The following H2AZ1 variants were observed in gnomAD, a reference collection of about 807,000 sequenced individuals.
The protein encoded by H2AZ1 is H2A.Z variant histone 1, also known as histone H2A.Z.
A neutral mutation model predicts 16.6 loss-of-function variants in H2AZ1; 3 were observed. The observed-to-expected ratio is 0.18, with a 90% CI of 0.08 to 0.47. The LOEUF is 0.47. H2AZ1 is among the 20% of genes least tolerant of loss of function. H2AZ1 has a pLI of 0.98. For missense variants in H2AZ1, 27 were observed against 163.6 expected, an observed-to-expected ratio of 0.17 and a Z score of 4.55; for synonymous variants, 78 against 60.7, an observed-to-expected ratio of 1.28 and a Z score of -1.32.
Position 99,950,253 on chromosome 4 carries a change from C to A in H2AZ1, c.-83G>T. ...GGTGAGATCCCACCACCTACTCCTT[C>A]GTCGCACCGCGATTCAAACTGCGCT... On this transcript the variant is annotated 5_prime_UTR_variant, in exon 1 of 5. Coordinates refer to ENST00000296417, the MANE Select transcript of H2AZ1 (RefSeq NM_002106.4). The A allele has an allele frequency of 7.7e-7, 1 of 1,302,964 alleles. No homozygotes were observed. Among genetic ancestry groups the A allele is most frequent in the South Asian group, 1.2e-5 (1 of 82,054 alleles). The allele number at this position is 1,302,964 out of a possible 1,614,324, so 80.7% of individuals were successfully genotyped here. A position where few individuals can be genotyped will look rare whatever the true frequency, so the allele number is the denominator to read the frequency against.
intron 2 of H2AZ1, 128 bp from the exon 3 acceptor site, chr4:99,949,514 T>C (rs1578248495): frequency 1.0e-6 from 1 of 974,504 alleles, no homozygotes; most frequent in Non-Finnish European, 1.7e-6. Context: ...ACGTGATTCC[T>C]CCCCCCCATA....
chr4:99,950,173 C>G lies in H2AZ1; in HGVS notation c.-3G>C, dbSNP rs1398173148. Reference sequence around the variant, plus strand: ...AGCGTCTCTGCGAAGTTTACCATTTCGAATTCCGCTGAAGCTCAAGCAAGC... The same window carrying G: ...AGCGTCTCTGCGAAGTTTACCATTTGGAATTCCGCTGAAGCTCAAGCAAGC... On this transcript the variant is annotated 5_prime_UTR_variant, in exon 1 of 5. Transcript: ENST00000296417. The G allele has an allele frequency of 1.2e-6, 2 of 1,609,150 alleles. No homozygotes were observed. The highest frequency in any genetic ancestry group is 1.7e-6 in the Non-Finnish European group (2 of 1,177,760).
chr4:99,949,035 G>A (rs1727206198), intron 3 of H2AZ1, 95 bp from the exon 4 acceptor site: 2 of 802,644 alleles, frequency 2.5e-6, no homozygotes, highest in African/African-American at 1.7e-5. Context: ...TCTACCAACT[G>A]GAATCGTTCC....
Position 99,948,266 on chromosome 4 carries a change from A to G in H2AZ1, c.*196T>C. Reference sequence around the variant, plus strand: ...CAATAGCTTCTTTGAAGCCACAGTAACACTTAAATATGGTTAAGACTCGAA... The same window carrying G: ...CAATAGCTTCTTTGAAGCCACAGTAGCACTTAAATATGGTTAAGACTCGAA... On this transcript the variant is annotated 3_prime_UTR_variant, in exon 5 of 5. Coordinates refer to ENST00000296417, the MANE Select transcript of H2AZ1 (RefSeq NM_002106.4). The G allele has an allele frequency of 1.4e-6, 1 of 715,896 alleles. No homozygotes were observed. Among genetic ancestry groups the G allele is most frequent in the Non-Finnish European group, 2.6e-6 (1 of 388,052 alleles). The allele number at this position is 715,896 out of a possible 1,614,324, so 44.3% of individuals were successfully genotyped here.
At position 99,948,194 on chromosome 4, in the gene H2AZ1, AGTT is replaced by A. The variant is rs1490827191; in HGVS notation, c.*265_*267del. On this transcript the variant is annotated 3_prime_UTR_variant, in exon 5 of 5. Transcript: ENST00000296417. ...TCTGCATCACAATTAAAATCCAAAC[AGTT>A]TTTTAAAAACAGTCAACTCAATCAA... is the stretch of plus-strand genomic sequence containing the variant. 6 of 623,378 alleles carry A rather than the reference AGTT, an allele frequency of 9.6e-6. No homozygotes were observed. Among genetic ancestry groups the A allele is most frequent in the Admixed American group, 2.4e-5 (1 of 41,648 alleles). The allele number at this position is 623,378 out of a possible 1,614,324, so 38.6% of individuals were successfully genotyped here. A position where few individuals can be genotyped will look rare whatever the true frequency, so the allele number is the denominator to read the frequency against.
Position 99,948,541 on chromosome 4 carries a change from A to C in H2AZ1, c.326-18T>G. 1 of 1,610,038 alleles carries C rather than the reference A, an allele frequency of 6.2e-7. No individual in the cohort carries two copies. Among genetic ancestry groups the C allele is most frequent in the Non-Finnish European group, 8.5e-7 (1 of 1,177,480 alleles). ...AATGACACCTAGGAGAGTGACAGGA[A>C]TTAATTCTACTTAAGATTTTTTAAA... On this transcript the variant is annotated intron_variant, in intron 4 of 4. Coordinates refer to ENST00000296417, the MANE Select transcript of H2AZ1 (RefSeq NM_002106.4).
At chr4:99,949,615 T>C (rs1727229242) in intron 2 of H2AZ1, 48 bp downstream of exon 2, 7 of 1,543,912 alleles carry the variant, frequency 4.5e-6, no homozygotes, top group Non-Finnish European at 6.3e-6. Flanking sequence ...AAAAAGGAAA[T>C]GCAAAGAAAA....
chr4:99,950,236 C>A lies in H2AZ1; in HGVS notation c.-66G>T, dbSNP rs1228645531. 2.0e-6 allele frequency: 3 copies of A among 1,500,462 alleles called. No homozygotes were observed. The highest frequency in any genetic ancestry group is 1.4e-5 in the African/African-American group (1 of 73,098). The allele number at this position is 1,500,462 out of a possible 1,614,324, so 92.9% of individuals were successfully genotyped here. A position where few individuals can be genotyped will look rare whatever the true frequency, so the allele number is the denominator to read the frequency against. On this transcript the variant is annotated 5_prime_UTR_variant, in exon 1 of 5. Coordinates refer to ENST00000296417, the MANE Select transcript of H2AZ1 (RefSeq NM_002106.4). ...AGGCTAATCGGACCCACGGTGAGAT[C>A]CCACCACCTACTCCTTCGTCGCACC...
chr4:99,949,521 C>G, intron 2 of H2AZ1, 135 bp from the exon 3 acceptor site: 1 of 993,480 alleles, frequency 1.0e-6, no homozygotes, highest in Non-Finnish European at 1.6e-6. Flanking sequence ...TCCTCCCCCC[C>G]ATATTTATCG....
intron 3 of H2AZ1, 55 bp downstream of exon 3, chr4:99,949,218 T>A (rs2276939): frequency 1.9e-6 from 2 of 1,070,836 alleles, no homozygotes; most frequent in Non-Finnish European, 2.8e-6. Context: ...CCTTCCCTCT[T>A]GCCGCCTCCC....
At chr4:99,948,781 A>G (rs770368210) in intron 4 of H2AZ1, 30 bp downstream of exon 4, 35 of 1,575,642 alleles carry the variant, frequency 2.2e-5, no homozygotes, top group Non-Finnish European at 2.7e-5. Context: ...CCTCTGAAGA[A>G]ATTTTTTAAA....
rs751347012 is a variant in H2AZ1, at chr4:99,949,336, A to G, written c.132T>C (p.His44=). The G allele has an allele frequency of 5.6e-6, 9 of 1,613,406 alleles. No homozygotes were observed. Among genetic ancestry groups the G allele is most frequent in the South Asian group, 4.4e-5 (4 of 91,084 alleles). ...HRHLKSRTTS[H]GRVGATAAVY... is the part of the protein sequence containing the mutation. ...CAGCGGCAGTCGCGCCCACACGTCC[A>G]TGACTGGTCGTCCTAGATTTTAGGT... Residue 44 remains histidine (H), a synonymous_variant, in exon 3 of 5, where the codon CAT becomes CAC. Transcript: ENST00000296417.
At position 99,950,275 on chromosome 4, in the gene H2AZ1, C is replaced by A; in HGVS notation, c.-105G>T. The A allele has an allele frequency of 3.9e-6, 4 of 1,033,476 alleles. No individual in the cohort carries two copies. The highest frequency in any genetic ancestry group is 5.9e-6 in the Non-Finnish European group (4 of 675,636). 64.0% of individuals were successfully genotyped at this position (1,033,476 alleles called of 1,614,324 possible). A position where few individuals can be genotyped will look rare whatever the true frequency, so the allele number is the denominator to read the frequency against. ...CTTCGTCGCACCGCGATTCAAACTG[C>A]GCTGTCTCCCGCCTTCCCTGCTCCC... is the stretch of plus-strand genomic sequence containing the variant. On this transcript the variant is annotated 5_prime_UTR_variant, in exon 1 of 5. Coordinates refer to ENST00000296417, the MANE Select transcript of H2AZ1 (RefSeq NM_002106.4).
intron 2 of H2AZ1, 106 bp downstream of exon 2, chr4:99,949,557 G>C (rs1578248543): frequency 8.7e-7 from 1 of 1,150,688 alleles, no homozygotes; most frequent in East Asian, 2.3e-5. Flanking sequence ...TCGCGACACC[G>C]CATCACCCAC....
rs1166718588 is a variant in H2AZ1, at chr4:99,949,813, C to T, written c.4-73G>A. On this transcript the variant is annotated intron_variant, in intron 1 of 4. Transcript: ENST00000296417. ...AATTACCAAGGCGGCGCGCCCATCCCCCACCGCGGCGCGTCCCGCCGCGAG... is the reference window on the plus strand; with the variant it reads ...AATTACCAAGGCGGCGCGCCCATCCTCCACCGCGGCGCGTCCCGCCGCGAG... 2.4e-6 allele frequency: 3 copies of T among 1,225,140 alleles called. No individual in the cohort carries two copies. In the South Asian group the frequency reaches 4.3e-5, roughly 17 times the overall value. The allele number at this position is 1,225,140 out of a possible 1,614,324, so 75.9% of individuals were successfully genotyped here.
rs1396966784 is a variant in H2AZ1, at chr4:99,948,842, A to G, written c.294T>C (p.Asp98=). 1 of 1,611,204 alleles carries G rather than the reference A, an allele frequency of 6.2e-7. No homozygotes were observed. Among genetic ancestry groups the G allele is most frequent in the East Asian group, 2.2e-5 (1 of 44,854 alleles). ...QLAIRGDEEL[D]SLIKATIAGG... ...CAGCAATTGTAGCCTTGATGAGAGA[A>G]TCCAATTCTTCATCTCCACGAATAG... The change falls in exon 4 of 5, where the codon GAT becomes GAC. Residue 98 remains aspartate, a synonymous_variant. Transcript: ENST00000296417.
chr4:99,950,249 CCTT>C lies in H2AZ1; in HGVS notation c.-82_-80del. ...CCACGGTGAGATCCCACCACCTACT[CCTT>C]CGTCGCACCGCGATTCAAACTGCGC... On this transcript the variant is annotated 5_prime_UTR_variant, in exon 1 of 5. Transcript: ENST00000296417. 2.9e-6 allele frequency: 4 copies of C among 1,366,158 alleles called. No homozygotes were observed. Among genetic ancestry groups the C allele is most frequent in the African/African-American group, 1.4e-5 (1 of 70,886 alleles). The allele number at this position is 1,366,158 out of a possible 1,614,324, so 84.6% of individuals were successfully genotyped here. A position where few individuals can be genotyped will look rare whatever the true frequency, so the allele number is the denominator to read the frequency against.
At chr4:99,948,763 A>C in intron 4 of H2AZ1, 48 bp downstream of exon 4, 1 of 1,566,806 alleles carries the variant, frequency 6.4e-7, no homozygotes, top group Non-Finnish European at 8.6e-7. Flanking sequence ...AGCAGCAAAA[A>C]ATTCCTTCCT....
rs1020136191 is a variant in H2AZ1 at position 99,950,254 on chromosome 4, G to C, written c.-84C>G. The stretch of plus-strand genomic sequence containing the variant: ...GTGAGATCCCACCACCTACTCCTTC[G>C]TCGCACCGCGATTCAAACTGCGCTG... On this transcript the variant is annotated 5_prime_UTR_variant, in exon 1 of 5. Coordinates refer to ENST00000296417, the MANE Select transcript of H2AZ1 (RefSeq NM_002106.4). 1.1e-5 allele frequency: 14 copies of C among 1,301,452 alleles called. No individual in the cohort carries two copies. The African/African-American group carries it at 1.4e-4, about 13-fold the overall frequency. The allele number at this position is 1,301,452 out of a possible 1,614,324, so 80.6% of individuals were successfully genotyped here. A position where few individuals can be genotyped will look rare whatever the true frequency, so the allele number is the denominator to read the frequency against.
Sources: gnomAD v4.1 joint callset for allele counts on GRCh38, gnomAD v4.1.1 for gene constraint, MANE v1.5 for transcripts, NCBI Gene and HGNC (gene_info 2026-07-23, HGNC 2026-07-21) for gene names.